HS6ST3: variants seen among roughly 807,000 people sequenced by gnomAD.
The protein encoded by HS6ST3 is heparan sulfate 6-O-sulfotransferase 3.
HS6ST3 carries 12 observed loss-of-function variants against 36.7 expected under a neutral mutation model. The ratio of observed to expected loss-of-function variants is 0.33; its 90% CI spans 0.21 to 0.53. The LOEUF is 0.53. Among genes scored for constraint, HS6ST3 ranks in the 20% least tolerant of loss-of-function variants. The pLI, the probability that HS6ST3 is intolerant of heterozygous loss-of-function variation, is 0.95. For missense variants in HS6ST3, 584 were observed against 640.9 expected (o/e 0.91, Z 0.96); for synonymous variants, 240 against 257.5 (o/e 0.93, Z 0.65).
At chr13:96,614,324 A>AAAAAAAAT (rs1566411768) in intron 1 of HS6ST3, among the ~76,000 whole-genome samples, 1 of 123,688 alleles carries the variant, frequency 8.1e-6, no homozygotes. Context: ...AAAAAAAAAA[A>AAAAAAAAT]AAAACAGTTA....
In HS6ST3 at chr13:96,832,634, C is replaced by T. The variant is rs1012725086; in HGVS notation, c.852C>T (p.Cys284=). 3.7e-6 allele frequency: 6 copies of T among 1,614,026 alleles called. No individual in the cohort carries two copies. The Admixed American group carries it at 6.7e-5, about 18-fold the overall frequency. The change falls in exon 2 of 2, where the codon TGC becomes TGT. Residue 284 remains cysteine, a synonymous_variant. Transcript: ENST00000376705. The stretch of plus-strand genomic sequence containing the variant: ...CCACCCCAGATGAGCTGCCTACCTG[C>T]TACCCTGGGGATGACTGGTCTGGGG... The part of the protein sequence containing the change: ...RSPTPDELPT[C]YPGDDWSGVS...
intron 1 of HS6ST3, among the ~76,000 whole-genome samples, chr13:96,475,019 G>T (rs932679943): frequency 6.6e-6 from 1 of 151,900 alleles, no homozygotes; most frequent in African/African-American, 2.4e-5. Context: ...TTCCTTAGGA[G>T]AAAATGCAAG....
chr13:96,245,098 A>G (rs565144999), intron 1 of HS6ST3, among the ~76,000 whole-genome samples: 3 of 152,196 alleles, frequency 2.0e-5, no homozygotes, highest in Admixed American at 6.5e-5. Context: ...TGTCATTACT[A>G]AATCATCCCA....
At chr13:96,423,991 A>G (rs927326888) in intron 1 of HS6ST3, among the ~76,000 whole-genome samples, 8 of 152,296 alleles carry the variant, frequency 5.3e-5, no homozygotes, top group African/African-American at 1.9e-4. Flanking sequence ...TGTTATTCCA[A>G]TTTTACACTT....
At chr13:96,464,710 G>A (rs1280766018) in intron 1 of HS6ST3, among the ~76,000 whole-genome samples, 4 of 152,044 alleles carry the variant, frequency 2.6e-5, no homozygotes, top group African/African-American at 4.8e-5. Flanking sequence ...CTGGAAGGTC[G>A]GTAATATAAG....
chr13:96,093,314 T>A (rs993217579), intron 1 of HS6ST3, among the ~76,000 whole-genome samples: 8 of 152,158 alleles, frequency 5.3e-5, no homozygotes, highest in Non-Finnish European at 7.4e-5. Flanking sequence ...CTAAAAATAA[T>A]TAGATTTTTG....
intron 1 of HS6ST3, among the ~76,000 whole-genome samples, chr13:96,180,287 C>T (rs1174639755): frequency 6.6e-6 from 1 of 152,158 alleles, no homozygotes; most frequent in Admixed American, 6.5e-5. Flanking sequence ...CACTTTTGCT[C>T]TCTGAGCCTG....
chr13:96,539,635 G>A (rs1211538067), intron 1 of HS6ST3, among the ~76,000 whole-genome samples: 3 of 152,126 alleles, frequency 2.0e-5, no homozygotes, highest in Admixed American at 6.5e-5. Context: ...GATTACATGC[G>A]TGAGCCTGGG....
chr13:96,099,199 C>T (rs1406800721), intron 1 of HS6ST3, among the ~76,000 whole-genome samples: 1 of 152,168 alleles, frequency 6.6e-6, no homozygotes, highest in Admixed American at 6.5e-5. Flanking sequence ...CTGTCTGCCT[C>T]CCAAAGTGCT....
At chr13:96,328,421 T>A (rs1432109933) in intron 1 of HS6ST3, among the ~76,000 whole-genome samples, 2 of 152,116 alleles carry the variant, frequency 1.3e-5, no homozygotes, top group East Asian at 1.9e-4. Flanking sequence ...AGGCCTTTTC[T>A]GCATCTATTG....
intron 1 of HS6ST3, among the ~76,000 whole-genome samples, chr13:96,434,753 G>A (rs1247882727): frequency 6.6e-6 from 1 of 151,830 alleles, no homozygotes; most frequent in Non-Finnish European, 1.5e-5. Flanking sequence ...TTGCTTTTAT[G>A]ACAACTAAAC....
chr13:96,120,258 T>C (rs566889514), intron 1 of HS6ST3, among the ~76,000 whole-genome samples: 2 of 152,332 alleles, frequency 1.3e-5, no homozygotes, highest in East Asian at 3.9e-4. Flanking sequence ...GGTTTCAGAT[T>C]CCTGGTTTCT....
chr13:96,331,011 T>C (rs1442143912), intron 1 of HS6ST3, among the ~76,000 whole-genome samples: 19 of 152,286 alleles, frequency 1.2e-4, no homozygotes, highest in East Asian at 1.2e-3. Context: ...ACGTAGTTCT[T>C]GAGCCTTGGT....
intron 1 of HS6ST3, among the ~76,000 whole-genome samples, chr13:96,196,797 T>G (rs1366436879): frequency 6.6e-6 from 1 of 152,192 alleles, no homozygotes; most frequent in Non-Finnish European, 1.5e-5. Flanking sequence ...CTTTCTTTGT[T>G]ACAAGACCCC....
intron 1 of HS6ST3, among the ~76,000 whole-genome samples, chr13:96,551,437 A>T (rs2056219012): frequency 6.6e-6 from 1 of 152,178 alleles, no homozygotes. Flanking sequence ...ACAAGTTTTT[A>T]TTGAGAAACT....
intron 1 of HS6ST3, among the ~76,000 whole-genome samples, chr13:96,714,857 C>A (rs1192610636): frequency 6.6e-6 from 1 of 151,976 alleles, no homozygotes; most frequent in East Asian, 1.9e-4. Flanking sequence ...CACCGCCATG[C>A]CCAGTTAATT....
chr13:96,134,651 G>A (rs2053992519), intron 1 of HS6ST3, among the ~76,000 whole-genome samples: 1 of 151,984 alleles, frequency 6.6e-6, no homozygotes, highest in South Asian at 2.1e-4. Flanking sequence ...TAAAATTAAA[G>A]ACACACAAGC....
intron 1 of HS6ST3, among the ~76,000 whole-genome samples, chr13:96,120,973 A>C (rs765509091): frequency 6.6e-6 from 1 of 152,238 alleles, no homozygotes; most frequent in Non-Finnish European, 1.5e-5. Flanking sequence ...GAAGTGATGA[A>C]TAGCCATAGG....
intron 1 of HS6ST3, among the ~76,000 whole-genome samples, chr13:96,181,258 C>T (rs1387259513): frequency 6.6e-6 from 1 of 151,706 alleles, no homozygotes; most frequent in South Asian, 2.1e-4. Flanking sequence ...CTTTTTTTCC[C>T]CCAAACTTTC....
Sources: gnomAD v4.1 joint callset for allele counts (sites outside exome capture counted in the v4.1 genomes callset) on GRCh38, gnomAD v4.1.1 for gene constraint, MANE v1.5 for transcripts, NCBI Gene and HGNC (gene_info 2026-07-23, HGNC 2026-07-21) for gene names.